Variants in INS observed in about 807,000 individuals in gnomAD.
INS encodes insulin, also known as preproinsulin.
In INS, 6 loss-of-function variants were observed where a neutral mutation model predicts 10.5. That is an observed-to-expected ratio of 0.57 (90% CI 0.31 to 1.13). The LOEUF is 1.13. Ranked by LOEUF, INS falls within the 50% of genes most tolerant of loss-of-function variation. The probability of loss-of-function intolerance (pLI) is 0.05; values close to 1 mark genes in which losing one functional copy is unlikely to be tolerated. For synonymous variants in INS, 71 were observed against 62.7 expected, an observed-to-expected ratio of 1.13 and a Z score of -0.63; for missense variants, 109 against 138.6, an observed-to-expected ratio of 0.79 and a Z score of 1.07.
chr11:2,160,163 C>T (rs1845850907), intron 2 of INS, among the ~76,000 whole-genome samples, 166 bp from the exon 3 acceptor site: 1 of 152,194 alleles, frequency 6.6e-6, no homozygotes, highest in African/African-American at 2.4e-5. Context: ...GGGTCACCCA[C>T]ACTGGGTGTG....
At chr11:2,161,071 G>C (rs867968521) in intron 1 of INS, 83 bp from the exon 2 acceptor site, 3 of 1,484,580 alleles carry the variant, frequency 2.0e-6, no homozygotes, top group Non-Finnish European at 2.7e-6. Context: ...CATGCTTCAC[G>C]AGCCCAGCCA....
At chr11:2,160,530 AG>A (rs1845863704) in intron 2 of INS, among the ~76,000 whole-genome samples, 1 of 151,904 alleles carries the variant, frequency 6.6e-6, no homozygotes, top group Non-Finnish European at 1.5e-5. Flanking sequence ...GGGCGAGTGG[AG>A]GGAGGAGCGT....
intron 2 of INS, 89 bp from the exon 3 acceptor site, chr11:2,160,086 G>T (rs149201671): frequency 2.9e-6 from 4 of 1,372,038 alleles, no homozygotes; most frequent in East Asian, 5.0e-5. Context: ...CACAGTGCCC[G>T]CCTGCCCGCC....
In INS at chr11:2,159,911, C is replaced by G; in HGVS notation, c.274G>C (p.Val92Leu). ...CAGATGCTGGTACAGCATTGTTCCA[C>G]AATGCCACGCTTCTGCAGGGACCCC... ...LEGSLQKRGI[V>L]EQCCTSICSL... Residue 92 changes from valine (V) to leucine (L), a missense_variant, in exon 3 of 3, where the codon GTG (valine) becomes CTG (leucine). Transcript: ENST00000381330. 6.2e-7 allele frequency: 1 copy of G among 1,606,326 alleles called. No individual in the cohort carries two copies. Among genetic ancestry groups the G allele is most frequent in the Non-Finnish European group, 8.5e-7 (1 of 1,177,484 alleles).
chr11:2,160,338 G>A (rs1034260949), intron 2 of INS, among the ~76,000 whole-genome samples: 1 of 152,348 alleles, frequency 6.6e-6, no homozygotes, highest in Admixed American at 6.5e-5. Flanking sequence ...TGGCGACAGG[G>A]GTCTGGCCCA....
chr11:2,160,784 C>G lies in INS; in HGVS notation c.187+1G>C. 6.2e-7 allele frequency: 1 copy of G among 1,611,832 alleles called. No homozygotes were observed. Among genetic ancestry groups the G allele is most frequent in the Non-Finnish European group, 8.5e-7 (1 of 1,179,196 alleles). On this transcript the variant is annotated splice_donor_variant, in intron 2 of 2. Coordinates refer to ENST00000381330, the MANE Select transcript of INS (RefSeq NM_000207.3). LOFTEE classifies it high-confidence loss of function. ...GGGGCAGCAATGGGCAGTTGGCTCA[C>G]CCTGCAGGTCCTCTGCCTCCCGGCG...
At position 2,160,703 on chromosome 11, in the gene INS, C is replaced by A. The variant is rs534416294; in HGVS notation, c.187+82G>T. ...CCTGCTGGGTGGCAGCCTCCTGCCC[C>A]CTTCTGCCCATGCTGGGTGGGAGCG... On this transcript the variant is annotated intron_variant, in intron 2 of 2. Coordinates refer to ENST00000381330, the MANE Select transcript of INS (RefSeq NM_000207.3). The A allele has an allele frequency of 2.4e-4, 372 of 1,564,018 alleles. No homozygotes were observed. The African/African-American group carries it at 4.4e-3, about 18-fold the overall frequency.
At position 2,161,154 on chromosome 11, in the gene INS, C is replaced by T. The variant is rs1845887642; in HGVS notation, c.-18+14G>A. The stretch of plus-strand genomic sequence containing the variant: ...ATCCTGAGCCCACCTGACGCAAAGG[C>T]CCTTGGAACAGACCTGCTTGATGGC... On this transcript the variant is annotated intron_variant, in intron 1 of 2. Coordinates refer to ENST00000381330, the MANE Select transcript of INS (RefSeq NM_000207.3). 2.5e-6 allele frequency: 2 copies of T among 798,808 alleles called. No individual in the cohort carries two copies. Among genetic ancestry groups the T allele is most frequent in the Middle Eastern group, 3.7e-4 (1 of 2,718 alleles). The allele number at this position is 798,808 out of a possible 1,614,324, so 49.5% of individuals were successfully genotyped here.
At chr11:2,160,066 G>C in intron 2 of INS, 69 bp from the exon 3 acceptor site, 1 of 1,495,988 alleles carries the variant, frequency 6.7e-7, no homozygotes, top group Middle Eastern at 2.3e-4. Flanking sequence ...GGAGGACACA[G>C]TCAGGGAGAC....
chr11:2,159,818 A>T lies in INS; in HGVS notation c.*34T>A, dbSNP rs893961287. On this transcript the variant is annotated 3_prime_UTR_variant, in exon 3 of 3. Coordinates refer to ENST00000381330, the MANE Select transcript of INS (RefSeq NM_000207.3). ...TTTATTCCATCTCTCTCGGTGCAGG[A>T]GGCGGCGGGTGTGGGGCTGCCTGCG... The T allele has an allele frequency of 1.2e-6, 2 of 1,606,194 alleles. No homozygotes were observed. The highest frequency in any genetic ancestry group is 1.7e-5 in the Admixed American group (1 of 59,340).
At position 2,159,973 on chromosome 11, in the gene INS, C is replaced by A. The variant is rs780264600; in HGVS notation, c.212G>T (p.Gly71Val). The A allele has an allele frequency of 5.7e-5, 91 of 1,588,702 alleles. No individual in the cohort carries two copies. The highest frequency in any genetic ancestry group is 7.3e-5 in the Non-Finnish European group (85 of 1,170,134). ...LQVGQVELGG[G>V]PGAGSLQPLA... is the part of the protein sequence containing the mutation. ...GGGCTGCAGGCTGCCTGCACCAGGG[C>A]CCCCGCCCAGCTCCACCTGCCCCAC... is the stretch of plus-strand genomic sequence containing the variant. Residue 71 changes from glycine to valine, a missense_variant, in exon 3 of 3, where the codon GGC becomes GTC. By Grantham distance (109) the Gly-to-Val change is moderately radical. Around this residue, in one of 2 missense-constraint regions of INS, gnomAD observed 108 missense variants for 118.0 expected, o/e 0.92. Coordinates refer to ENST00000381330, the MANE Select transcript of INS (RefSeq NM_000207.3).
intron 1 of INS, 43 bp from the exon 2 acceptor site, chr11:2,161,031 C>A: frequency 6.3e-7 from 1 of 1,588,680 alleles, no homozygotes; most frequent in Non-Finnish European, 8.5e-7. Context: ...GGCCAGGTGC[C>A]CTGCCTTGGG....
In INS at chr11:2,159,978, G is replaced by C; in HGVS notation, c.207C>G (p.Gly69=). Residue 69 remains glycine (G), a synonymous_variant, in exon 3 of 3, where the codon GGC becomes GGG. Transcript: ENST00000381330. ...EDLQVGQVEL[G]GGPGAGSLQP... is the part of the protein sequence containing the mutation. ...GCAGGCTGCCTGCACCAGGGCCCCCGCCCAGCTCCACCTGCCCCACTGCCA... is the reference window on the plus strand; with the variant it reads ...GCAGGCTGCCTGCACCAGGGCCCCCCCCCAGCTCCACCTGCCCCACTGCCA... 1 of 1,587,428 alleles carries C rather than the reference G, an allele frequency of 6.3e-7. No homozygotes were observed. Among genetic ancestry groups the C allele is most frequent in the Non-Finnish European group, 8.5e-7 (1 of 1,169,688 alleles).
Position 2,160,086 on chromosome 11 carries a change from G to A in INS, c.188-89C>T, listed in dbSNP as rs149201671. On this transcript the variant is annotated intron_variant, in intron 2 of 2. Coordinates refer to ENST00000381330, the MANE Select transcript of INS (RefSeq NM_000207.3). ...ACACAGTCAGGGAGACACAGTGCCCGCCTGCCCGCCAGCCCTAGGTCGCAC... is the reference window on the plus strand; with the variant it reads ...ACACAGTCAGGGAGACACAGTGCCCACCTGCCCGCCAGCCCTAGGTCGCAC... 91 of 1,372,160 alleles carry A rather than the reference G, an allele frequency of 6.6e-5. 1 individual carries two copies. The highest frequency in any genetic ancestry group is 4.6e-5 in the Non-Finnish European group (46 of 999,584). The allele number at this position is 1,372,160 out of a possible 1,614,324, so 85.0% of individuals were successfully genotyped here.
Position 2,160,768 on chromosome 11 carries a change from A to G in INS, c.187+17T>C, listed in dbSNP as rs1845872503. 9.9e-6 allele frequency: 16 copies of G among 1,609,454 alleles called. No individual in the cohort carries two copies. Among genetic ancestry groups the G allele is most frequent in the South Asian group, 2.2e-5 (2 of 91,032 alleles). ...TGGCTGGGGGCGGCCAGGGGCAGCAATGGGCAGTTGGCTCACCCTGCAGGT... is the reference window on the plus strand; with the variant it reads ...TGGCTGGGGGCGGCCAGGGGCAGCAGTGGGCAGTTGGCTCACCCTGCAGGT... On this transcript the variant is annotated intron_variant, in intron 2 of 2. Coordinates refer to ENST00000381330, the MANE Select transcript of INS (RefSeq NM_000207.3).
At chr11:2,161,113 G>T in intron 1 of INS, 55 bp downstream of exon 1, 1 of 1,245,688 alleles carries the variant, frequency 8.0e-7, no homozygotes, top group Non-Finnish European at 1.1e-6. Context: ...GGGGCCTGGG[G>T]TCCAGCCACC....
Position 2,161,005 on chromosome 11 carries a change from G to A in INS, c.-17-17C>T, listed in dbSNP as rs200371131. 269 of 1,606,024 alleles carry A rather than the reference G, an allele frequency of 1.7e-4. No homozygotes were observed. Among genetic ancestry groups the A allele is most frequent in the Non-Finnish European group, 1.5e-4 (178 of 1,177,796 alleles). On this transcript the variant is annotated splice_polypyrimidine_tract_variant and intron_variant, in intron 1 of 2. Transcript: ENST00000381330. ...GACAGTGATCTGGGAGACAGGCAGG[G>A]CTGAGGCAGGCTGAAGGCCAGGTGC... is the stretch of plus-strand genomic sequence containing the variant.
chr11:2,160,920 C>T lies in INS; in HGVS notation c.52G>A (p.Gly18Arg), dbSNP rs748696269. Residue 18 changes from glycine (G) to arginine (R), a missense_variant, in exon 2 of 3, where the codon GGA becomes AGA. Physicochemically the swap from Gly to Arg is moderately radical, Grantham distance 125. Transcript: ENST00000381330. ...ACAAAGGCTGCGGCTGGGTCAGGTC[C>T]CCAGAGGGCCAGCAGCGCCAGCAGG... ...LPLLALLALW[G>R]PDPAAAFVNQ... 1 of 1,612,506 alleles carries T rather than the reference C, an allele frequency of 6.2e-7. No individual in the cohort carries two copies. The highest frequency in any genetic ancestry group is 1.3e-5 in the African/African-American group (1 of 74,928).
intron 2 of INS, among the ~76,000 whole-genome samples, chr11:2,160,371 C>A (rs1469695137): frequency 6.6e-6 from 1 of 152,244 alleles, no homozygotes; most frequent in African/African-American, 2.4e-5. Flanking sequence ...GCCACGCCCT[C>A]CTCCGGGCGT....
Sources: gnomAD v4.1 joint callset for allele counts (sites outside exome capture counted in the v4.1 genomes callset) on GRCh38, gnomAD v4.1.1 for gene constraint, gnomAD v4.1.1 regional missense constraint, MANE v1.5 for transcripts, NCBI Gene and HGNC (gene_info 2026-07-23, HGNC 2026-07-21) for gene names.